LIN9: variants seen among roughly 807,000 people sequenced by gnomAD.
The protein encoded by LIN9 is protein lin-9 homolog.
In LIN9, 18 loss-of-function variants were observed where a neutral mutation model predicts 78.0. The observed-to-expected ratio is 0.23, with a 90% CI of 0.16 to 0.34. The LOEUF is 0.34. Ranked by LOEUF, LIN9 falls within the 10% of genes least tolerant of loss-of-function variation. The pLI, the probability that LIN9 is intolerant of heterozygous loss-of-function variation, is 1.00. For synonymous variants in LIN9, 192 were observed against 215.2 expected, an observed-to-expected ratio of 0.89 and a Z score of 0.94; for missense variants, 451 against 644.1, an observed-to-expected ratio of 0.70 and a Z score of 3.25.
intron 6 of LIN9, among the ~76,000 whole-genome samples, chr1:226,281,690 TTC>T (rs1259468452): frequency 6.6e-5 from 10 of 151,854 alleles, no homozygotes; most frequent in African/African-American, 1.4e-4. Context: ...CAATTTTTTT[TTC>T]TTTTTCTTTT....
At chr1:226,295,993 T>C (rs749921037) in intron 3 of LIN9, 47 bp from the exon 4 acceptor site, 2 of 1,318,518 alleles carry the variant, frequency 1.5e-6, no homozygotes, top group Non-Finnish European at 2.2e-6. Flanking sequence ...AACCCTCCCA[T>C]TTTTGTTCCA....
chr1:226,239,329 TATAGAG>T (rs1392391900), intron 11 of LIN9, among the ~76,000 whole-genome samples: 3 of 152,234 alleles, frequency 2.0e-5, no homozygotes, highest in African/African-American at 7.2e-5. Flanking sequence ...GGAGATCTTC[TATAGAG>T]ATAAATTAAA....
rs1393303216 is a variant in LIN9, at chr1:226,289,984, T to A, written c.265-2187A>T. Among the ~76,000 whole-genome samples, 4 of 151,998 alleles carry A rather than the reference T, an allele frequency of 2.6e-5. No homozygotes were observed. In the East Asian group the frequency reaches 7.8e-4, roughly 29 times the overall value. On this transcript the variant is annotated intron_variant, in intron 4 of 14. Transcript: ENST00000681046. ...ATGATAAATTTTAGTGTAGAAAAGG[T>A]CTTTCTGAGCATGACAAACTCAAGA...
chr1:226,235,138 G>A (rs1403565363), intron 12 of LIN9, among the ~76,000 whole-genome samples: 1 of 151,600 alleles, frequency 6.6e-6, no homozygotes, highest in East Asian at 1.9e-4. Flanking sequence ...TTCAAGACCA[G>A]CCTGGCCAAC....
chr1:226,256,153 C>T (rs189369504), intron 10 of LIN9, among the ~76,000 whole-genome samples: 11 of 151,988 alleles, frequency 7.2e-5, no homozygotes, highest in Admixed American at 3.3e-4. Context: ...GAGGCTAAGG[C>T]GGGCAGACTG....
chr1:226,278,082 T>G (rs1055887514), intron 6 of LIN9, 150 bp from the exon 7 acceptor site: 1 of 600,168 alleles, frequency 1.7e-6, no homozygotes, highest in Admixed American at 3.0e-5. Flanking sequence ...AACCTCCATC[T>G]CCGGCTCAAG....
At chr1:226,270,491 T>C (rs1490918853) in intron 7 of LIN9, among the ~76,000 whole-genome samples, 2 of 151,898 alleles carry the variant, frequency 1.3e-5, no homozygotes, top group South Asian at 4.1e-4. Flanking sequence ...AGTAAGAAAT[T>C]GAGAGAGATA....
At chr1:226,252,828 G>A (rs1475097022) in intron 10 of LIN9, among the ~76,000 whole-genome samples, 4 of 152,060 alleles carry the variant, frequency 2.6e-5, no homozygotes, top group South Asian at 2.1e-4. Context: ...TTAGCAGTGC[G>A]TGGTGGTGGA....
intron 10 of LIN9, among the ~76,000 whole-genome samples, chr1:226,252,707 T>C (rs764085235): frequency 2.6e-5 from 4 of 152,190 alleles, no homozygotes; most frequent in Non-Finnish European, 5.9e-5. Context: ...GTGTGGTAGC[T>C]CACGCCTATA....
At chr1:226,239,544 A>G (rs760532116) in intron 11 of LIN9, among the ~76,000 whole-genome samples, 1 of 152,172 alleles carries the variant, frequency 6.6e-6, no homozygotes, top group East Asian at 1.9e-4. Flanking sequence ...ATCAGATTAT[A>G]TATGTTCAAA....
Position 226,263,747 on chromosome 1 carries a change from A to G in LIN9, c.1038+1786T>C, listed in dbSNP as rs151157810. 7.3e-3 allele frequency among the ~76,000 whole-genome samples: 1,113 copies of G among 152,318 alleles called. 19 individuals are homozygous for G. Among genetic ancestry groups the G allele is most frequent in the African/African-American group, 0.026 (1,062 of 41,572 alleles). ...CCATCTGCCTTGAGAAGCCAAAGGT[A>G]TAAGAAATTTTATATTGCAAGGATA... On this transcript the variant is annotated intron_variant, in intron 10 of 14. Transcript: ENST00000681046.
chr1:226,268,949 C>A (rs1159270309), intron 7 of LIN9, among the ~76,000 whole-genome samples: 1 of 152,154 alleles, frequency 6.6e-6, no homozygotes, highest in African/African-American at 2.4e-5. Flanking sequence ...GCTGAGTATT[C>A]TGAGTCTTTC....
intron 1 of LIN9, among the ~76,000 whole-genome samples, chr1:226,301,672 G>T (rs1662542665): frequency 6.6e-6 from 1 of 152,214 alleles, no homozygotes; most frequent in Admixed American, 6.5e-5. Context: ...TAGAATGCAG[G>T]TATATGTGAT....
At chr1:226,293,830 C>T (rs1426234306) in intron 4 of LIN9, among the ~76,000 whole-genome samples, 1 of 152,166 alleles carries the variant, frequency 6.6e-6, no homozygotes, top group Admixed American at 6.5e-5. Flanking sequence ...GCTGGGATTA[C>T]AAAATCAAAT....
intron 1 of LIN9, among the ~76,000 whole-genome samples, chr1:226,308,436 C>A (rs1227835662): frequency 6.6e-6 from 1 of 152,090 alleles, no homozygotes; most frequent in Non-Finnish European, 1.5e-5. Flanking sequence ...ATAAAGTCTG[C>A]GGGACGGGGT....
rs1311028647 is a variant in LIN9 at position 226,237,643 on chromosome 1, A to AG, written c.1245+1327_1245+1328insC. On this transcript the variant is annotated intron_variant, in intron 12 of 14. Transcript: ENST00000681046. ...GCGAAACTCTGTCTCAAAAAAAAAA[A>AG]AAAAAAAAAAATCTGGTATCACAGC... Among the ~76,000 whole-genome samples the AG allele has an allele frequency of 1.2e-3, 180 of 147,388 alleles. 1 individual carries two copies. The highest frequency in any genetic ancestry group is 4.3e-3 in the African/African-American group (171 of 39,906).
At chr1:226,234,893 ATTTTTT>A (rs558971569) in intron 12 of LIN9, among the ~76,000 whole-genome samples, 1 of 134,340 alleles carries the variant, frequency 7.4e-6, no homozygotes, top group East Asian at 2.2e-4. Context: ...GTTATCCTAA[ATTTTTT>A]TTTTTTTTTT....
intron 4 of LIN9, among the ~76,000 whole-genome samples, chr1:226,292,832 C>T (rs1370370301): frequency 6.6e-6 from 1 of 152,146 alleles, no homozygotes; most frequent in Non-Finnish European, 1.5e-5. Flanking sequence ...ACTCTGGAGA[C>T]AGGCTGCCTG....
At chr1:226,282,479 A>C (rs1661128104) in intron 6 of LIN9, among the ~76,000 whole-genome samples, 1 of 152,220 alleles carries the variant, frequency 6.6e-6, no homozygotes, top group Non-Finnish European at 1.5e-5. Context: ...TGCCATTACT[A>C]ACCCAACACA....
Sources: gnomAD v4.1 joint callset for allele counts (sites outside exome capture counted in the v4.1 genomes callset) on GRCh38, gnomAD v4.1.1 for gene constraint, MANE v1.5 for transcripts, NCBI Gene and HGNC (gene_info 2026-07-23, HGNC 2026-07-21) for gene names.